Variants in ADARB2 observed in about 807,000 individuals in gnomAD.
The protein encoded by ADARB2 is adenosine deaminase RNA specific B2 (inactive).
A neutral mutation model predicts 62.2 loss-of-function variants in ADARB2; 25 were observed. The observed-to-expected ratio is 0.40, with a 90% confidence interval of 0.29 to 0.56. The LOEUF (loss-of-function observed/expected upper bound fraction) is 0.56, where lower values mean the gene tolerates loss of function less well. Ranked by LOEUF, ADARB2 falls within the 20% of genes least tolerant of loss-of-function variation. The pLI is 0.43. For missense variants in ADARB2, 1,071 were observed against 1,077.4 expected (o/e 0.99, Z 0.08); for synonymous variants, 572 against 500.8 (o/e 1.14, Z -1.90).
chr10:1,475,073 A>G (rs1391868418), intron 1 of ADARB2, among the ~76,000 whole-genome samples: 1 of 152,082 alleles, frequency 6.6e-6, no homozygotes. Flanking sequence ...GGGTGCCAGC[A>G]GGTCAGGCGC....
intron 1 of ADARB2, among the ~76,000 whole-genome samples, chr10:1,664,599 C>T (rs1394856547): frequency 6.6e-6 from 1 of 152,188 alleles, no homozygotes; most frequent in Non-Finnish European, 1.5e-5. Context: ...AGGCTGTGTG[C>T]TGGGCATCTC....
At chr10:1,356,060 G>GT (rs201993703) in intron 3 of ADARB2, among the ~76,000 whole-genome samples, 3 of 151,632 alleles carry the variant, frequency 2.0e-5, no homozygotes, top group Admixed American at 6.6e-5. Context: ...TTTTCTGAAA[G>GT]TTTTTTTTTC....
intron 6 of ADARB2, among the ~76,000 whole-genome samples, chr10:1,219,381 G>T (rs1830661359): frequency 6.6e-6 from 1 of 152,242 alleles, no homozygotes; most frequent in African/African-American, 2.4e-5. Context: ...GTCTGTAAGA[G>T]CTGACATTCT....
intron 2 of ADARB2, among the ~76,000 whole-genome samples, chr10:1,377,163 G>T (rs1564273969): frequency 3.6e-5 from 5 of 139,754 alleles, no homozygotes. Flanking sequence ...GTGCTCCTGG[G>T]GTGTGTGTGT....
chr10:1,532,867 C>A, intron 1 of ADARB2, among the ~76,000 whole-genome samples: 1 of 152,260 alleles, frequency 6.6e-6, no homozygotes, highest in South Asian at 2.1e-4. Flanking sequence ...GAACTTAAAT[C>A]TTGATAATGA....
chr10:1,661,078 C>T (rs1035784285), intron 1 of ADARB2, among the ~76,000 whole-genome samples: 1 of 152,178 alleles, frequency 6.6e-6, no homozygotes, highest in Non-Finnish European at 1.5e-5. Flanking sequence ...CTGCGATAAG[C>T]TCCCCTCCCT....
intron 1 of ADARB2, among the ~76,000 whole-genome samples, chr10:1,556,165 G>T (rs1832697749): frequency 6.6e-6 from 1 of 151,990 alleles, no homozygotes; most frequent in Non-Finnish European, 1.5e-5. Context: ...CCCGTGGCTG[G>T]GAAACGAGGA....
chr10:1,279,055 A>G (rs929492957), intron 3 of ADARB2, among the ~76,000 whole-genome samples: 1 of 152,064 alleles, frequency 6.6e-6, no homozygotes, highest in African/African-American at 2.4e-5. Context: ...TTTTTCCCCA[A>G]CCTTTTCACA....
At chr10:1,620,512 C>T in intron 1 of ADARB2, among the ~76,000 whole-genome samples, 1 of 148,368 alleles carries the variant, frequency 6.7e-6, no homozygotes, top group South Asian at 2.1e-4. Context: ...AAGAAAAGGC[C>T]CAGGCCCAAA....
intron 1 of ADARB2, among the ~76,000 whole-genome samples, chr10:1,490,406 A>G (rs1831604357): frequency 1.3e-5 from 2 of 152,190 alleles, no homozygotes; most frequent in South Asian, 2.1e-4. Context: ...ATGACCACTG[A>G]AAAAATCCTC....
At chr10:1,592,325 C>T (rs1392836683) in intron 1 of ADARB2, among the ~76,000 whole-genome samples, 2 of 145,056 alleles carry the variant, frequency 1.4e-5, no homozygotes, top group African/African-American at 5.0e-5. Flanking sequence ...GCTTCCCTCG[C>T]CCAAGCCACC....
intron 3 of ADARB2, among the ~76,000 whole-genome samples, chr10:1,350,147 C>T (rs566359651): frequency 8.5e-5 from 13 of 152,304 alleles, no homozygotes; most frequent in South Asian, 6.2e-4. Flanking sequence ...GACCAGAAAA[C>T]GGCACTTTCG....
At chr10:1,441,426 AAAG>A (rs1455803046) in intron 1 of ADARB2, among the ~76,000 whole-genome samples, 6 of 152,254 alleles carry the variant, frequency 3.9e-5, no homozygotes, top group Non-Finnish European at 7.3e-5. Context: ...TTCTCAGAGG[AAAG>A]AAGATTTGAT....
In ADARB2 at chr10:1,424,418, T is replaced by C. The variant is rs375577384; in HGVS notation, c.101-45258A>G. Among the ~76,000 whole-genome samples, 13 of 152,148 alleles carry C rather than the reference T, an allele frequency of 8.5e-5. 1 individual carries two copies. Among genetic ancestry groups the C allele is most frequent in the African/African-American group, 3.1e-4 (13 of 41,498 alleles). ...CCGTGGCTCCAAAAACCACGCGAGA[T>C]GGCATGCTCTGAGGCCTCTTCCTCG... On this transcript the variant is annotated intron_variant, in intron 1 of 9. Transcript: ENST00000381312.
intron 1 of ADARB2, among the ~76,000 whole-genome samples, chr10:1,628,251 A>G (rs1199523878): frequency 1.3e-5 from 2 of 152,216 alleles, no homozygotes; most frequent in Admixed American, 6.5e-5. Context: ...AGGGGGCCTC[A>G]TCAGTACTTT....
At chr10:1,286,330 A>G (rs370123556) in intron 3 of ADARB2, among the ~76,000 whole-genome samples, 17 of 152,336 alleles carry the variant, frequency 1.1e-4, no homozygotes, top group Admixed American at 2.0e-4. Context: ...TTCCATCTTC[A>G]TATCCCTTTG....
chr10:1,300,375 A>G (rs191231349), intron 3 of ADARB2, among the ~76,000 whole-genome samples: 91 of 151,686 alleles, frequency 6.0e-4, no homozygotes, highest in Middle Eastern at 6.8e-3. Flanking sequence ...ACCACACCAC[A>G]CAGCCAGGCT....
chr10:1,297,869 C>T (rs898113210), intron 3 of ADARB2, among the ~76,000 whole-genome samples: 4 of 152,232 alleles, frequency 2.6e-5, no homozygotes, highest in African/African-American at 9.6e-5. Context: ...CCAGCCATGG[C>T]TGGAGGCCAG....
At chr10:1,735,884 A>C (rs1835294149) in intron 1 of ADARB2, among the ~76,000 whole-genome samples, 1 of 152,222 alleles carries the variant, frequency 6.6e-6, no homozygotes, top group Admixed American at 6.5e-5. Flanking sequence ...AAGAGGCAAT[A>C]AAGGACCTGG....
Sources: allele counts gnomAD v4.1 joint callset (sites outside exome capture counted in the v4.1 genomes callset), GRCh38; gene constraint gnomAD v4.1.1; transcripts MANE v1.5; gene names NCBI Gene and HGNC (gene_info 2026-07-23, HGNC 2026-07-21).